The following TRDN variants were observed in gnomAD, a reference collection of about 807,000 sequenced individuals.
TRDN encodes triadin.
In TRDN, 161 loss-of-function variants were observed where a neutral mutation model predicts 149.7. The ratio of observed to expected loss-of-function variants is 1.08; its 90% CI spans 0.95 to 1.23. The LOEUF is 1.23. Among genes scored for constraint, TRDN ranks in the 50% most tolerant of loss-of-function variants. The pLI is 0.00. For missense variants in TRDN, 896 were observed against 823.5 expected (o/e 1.09, Z -1.08); for synonymous variants, 294 against 250.5 (o/e 1.17, Z -1.64).
chr6:123,260,711 T>A (rs1776737724), intron 33 of TRDN, 73 bp from the exon 34 acceptor site: 3 of 1,217,744 alleles, frequency 2.5e-6, no homozygotes, highest in Non-Finnish European at 3.3e-6. Context: ...AGTTTTTTAT[T>A]CAGTAGCAAA....
intron 12 of TRDN, among the ~76,000 whole-genome samples, chr6:123,404,820 T>C (rs1206629304): frequency 1.3e-5 from 2 of 152,214 alleles, no homozygotes; most frequent in African/African-American, 4.8e-5. Context: ...CACATGCTAA[T>C]GCTCTAGATA....
chr6:123,246,591 A>G (rs1350459922), intron 38 of TRDN, among the ~76,000 whole-genome samples: 1 of 152,060 alleles, frequency 6.6e-6, no homozygotes. Context: ...GCACTAATTA[A>G]TAGCCTATCA....
chr6:123,291,251 C>T (rs1188029883), intron 24 of TRDN, among the ~76,000 whole-genome samples: 1 of 151,800 alleles, frequency 6.6e-6, no homozygotes, highest in African/African-American at 2.4e-5. Flanking sequence ...CCTAGAGTAA[C>T]ATGACTGGTT....
intron 27 of TRDN, 81 bp downstream of exon 27, chr6:123,274,560 T>G (rs1777308289): frequency 1.1e-4 from 145 of 1,264,518 alleles, no homozygotes; most frequent in Non-Finnish European, 1.5e-4. Flanking sequence ...GTCTCCCTAG[T>G]GAGATGTAAG....
chr6:123,531,617 T>G (rs1422497166), intron 4 of TRDN, among the ~76,000 whole-genome samples: 1 of 152,078 alleles, frequency 6.6e-6, no homozygotes, highest in Non-Finnish European at 1.5e-5. Context: ...GTCACTAATC[T>G]ACTCTTATCT....
At chr6:123,531,660 T>C (rs1338548555) in intron 4 of TRDN, among the ~76,000 whole-genome samples, 2 of 152,086 alleles carry the variant, frequency 1.3e-5, no homozygotes, top group East Asian at 1.9e-4. Flanking sequence ...GATGAAGATA[T>C]GAACAGGTAA....
At chr6:123,499,719 A>AATAT (rs71272328) in intron 8 of TRDN, among the ~76,000 whole-genome samples, 599 of 47,584 alleles carry the variant, frequency 0.013, 89 homozygotes, top group Middle Eastern at 0.047. Context: ...AAAAAAAAAA[A>AATAT]ATATATATAT....
intron 20 of TRDN, among the ~76,000 whole-genome samples, chr6:123,363,973 C>T (rs908181630): frequency 1.3e-5 from 2 of 152,196 alleles, no homozygotes; most frequent in African/African-American, 4.8e-5. Context: ...CCAAAGGGAA[C>T]CAGCTGTTCA....
intron 36 of TRDN, among the ~76,000 whole-genome samples, 177 bp from the exon 37 acceptor site, chr6:123,255,302 C>G (rs1362729092): frequency 2.0e-5 from 3 of 151,936 alleles, no homozygotes; most frequent in African/African-American, 7.2e-5. Context: ...TAGCACTAGA[C>G]ATTGTTTTAT....
intron 12 of TRDN, among the ~76,000 whole-genome samples, chr6:123,410,922 A>G (rs1219686230): frequency 6.6e-6 from 1 of 152,058 alleles, no homozygotes; most frequent in African/African-American, 2.4e-5. Flanking sequence ...TGTGCTAGGC[A>G]TTTTGAAAAT....
intron 24 of TRDN, among the ~76,000 whole-genome samples, chr6:123,309,739 G>A (rs1182715226): frequency 6.6e-6 from 1 of 151,622 alleles, no homozygotes; most frequent in East Asian, 1.9e-4. Flanking sequence ...AAACACACAT[G>A]AACTGTGTTG....
chr6:123,513,060 C>T (rs1779253055), intron 6 of TRDN, among the ~76,000 whole-genome samples: 2 of 152,084 alleles, frequency 1.3e-5, no homozygotes, highest in South Asian at 4.2e-4. Context: ...ATTTAAGCCT[C>T]AGAAAGCCTA....
intron 5 of TRDN, among the ~76,000 whole-genome samples, chr6:123,522,909 A>G (rs1050312891): frequency 6.6e-6 from 1 of 152,156 alleles, no homozygotes; most frequent in Non-Finnish European, 1.5e-5. Context: ...ACCTGAGAAG[A>G]CTATGAGCCC....
intron 2 of TRDN, among the ~76,000 whole-genome samples, chr6:123,552,568 C>G (rs1276669206): frequency 1.3e-5 from 2 of 152,102 alleles, no homozygotes; most frequent in Admixed American, 1.3e-4. Flanking sequence ...TCCTACCCAG[C>G]GCTGTGCCAA....
chr6:123,571,359 C>A lies in TRDN; in HGVS notation c.23-227G>T, dbSNP rs74411605. ...CGCTCATATAATCAGTGTTTCTCAT[C>A]TCCTAAGTCCTCTGAGGGAGAATCA... On this transcript the variant is annotated intron_variant, in intron 1 of 40. Transcript: ENST00000334268. Among the ~76,000 whole-genome samples the A allele has an allele frequency of 0.039, 5,952 of 152,256 alleles. 185 individuals carry two copies. Among genetic ancestry groups the A allele is most frequent in the Middle Eastern group, 0.085 (25 of 294 alleles).
At chr6:123,482,080 T>C (rs1451549417) in intron 9 of TRDN, among the ~76,000 whole-genome samples, 1 of 152,194 alleles carries the variant, frequency 6.6e-6, no homozygotes, top group African/African-American at 2.4e-5. Context: ...ATGTCTTTCG[T>C]TTTTTTCTGT....
intron 23 of TRDN, among the ~76,000 whole-genome samples, chr6:123,320,288 G>A (rs1337482992): frequency 1.3e-5 from 2 of 151,378 alleles, no homozygotes; most frequent in East Asian, 1.9e-4. Context: ...TATTATATAT[G>A]TTATCTATAT....
intron 10 of TRDN, among the ~76,000 whole-genome samples, chr6:123,454,531 A>T (rs1302031124): frequency 6.6e-6 from 1 of 152,174 alleles, no homozygotes; most frequent in African/African-American, 2.4e-5. Flanking sequence ...CCTGTGAGGA[A>T]ATGGGCTCAG....
chr6:123,400,765 C>G (rs374360921), intron 12 of TRDN, among the ~76,000 whole-genome samples: 8 of 152,130 alleles, frequency 5.3e-5, no homozygotes, highest in Middle Eastern at 3.4e-3. Context: ...CCCCTTTTTT[C>G]TAATATTAGT....
Sources: allele counts gnomAD v4.1 joint callset (sites outside exome capture counted in the v4.1 genomes callset), GRCh38; gene constraint gnomAD v4.1.1; transcripts MANE v1.5; gene names NCBI Gene and HGNC (gene_info 2026-07-23, HGNC 2026-07-21).